SUGCT: variants seen among roughly 807,000 people sequenced by gnomAD.
SUGCT encodes the protein succinyl-CoA:glutarate-CoA transferase, also known as succinyl-CoA:glutarate CoA-transferase.
A neutral mutation model predicts 55.0 loss-of-function variants in SUGCT; 41 were observed. The ratio of observed to expected loss-of-function variants is 0.74; its 90% CI spans 0.58 to 0.97. SUGCT has a LOEUF of 0.97. SUGCT is among the 50% of genes least tolerant of loss of function. SUGCT has a pLI of 0.00. For missense variants in SUGCT, 568 were observed against 547.8 expected (o/e 1.04, Z -0.37); for synonymous variants, 187 against 200.4 (o/e 0.93, Z 0.56).
chr7:40,875,416 C>T, the SUGCT span, among the ~76,000 whole-genome samples: 3 of 152,118 alleles, frequency 2.0e-5, no homozygotes, highest in African/African-American at 4.8e-5. Context: ...GAAACAGCAC[C>T]CAGTTGTTCA....
chr7:40,927,360 T>C, the SUGCT span, among the ~76,000 whole-genome samples: 1 of 152,158 alleles, frequency 6.6e-6, no homozygotes, highest in Middle Eastern at 3.2e-3. Flanking sequence ...TACATGAATA[T>C]AGGTATCACT....
At chr7:40,801,329 A>G (rs1255541744) in intron 13 of SUGCT, among the ~76,000 whole-genome samples, 1 of 152,202 alleles carries the variant, frequency 6.6e-6, no homozygotes, top group African/African-American at 2.4e-5. Flanking sequence ...AGCAATCCCA[A>G]ACAATTCAGA....
chr7:40,252,345 C>T (rs969862442), intron 7 of SUGCT, among the ~76,000 whole-genome samples: 3 of 152,130 alleles, frequency 2.0e-5, no homozygotes, highest in South Asian at 4.1e-4. Flanking sequence ...TCTCTAACTC[C>T]TGGGCTCAAG....
intron 12 of SUGCT, among the ~76,000 whole-genome samples, chr7:40,557,339 T>A (rs1005302633): frequency 6.6e-6 from 1 of 152,120 alleles, no homozygotes; most frequent in African/African-American, 2.4e-5. Flanking sequence ...TATAAAAGTC[T>A]CAGAAGAAAA....
intron 12 of SUGCT, among the ~76,000 whole-genome samples, chr7:40,585,142 A>C (rs559279899): frequency 1.2e-4 from 19 of 152,286 alleles, no homozygotes; most frequent in African/African-American, 4.1e-4. Context: ...AAAATGGGGA[A>C]TTCTTAATGA....
At chr7:40,184,688 C>G (rs1364424863) in intron 3 of SUGCT, among the ~76,000 whole-genome samples, 1 of 152,050 alleles carries the variant, frequency 6.6e-6, no homozygotes, top group African/African-American at 2.4e-5. Context: ...ATTTATGTTT[C>G]AAGATCTGAT....
At chr7:40,806,564 C>T (rs551812215) in intron 13 of SUGCT, among the ~76,000 whole-genome samples, 1 of 151,940 alleles carries the variant, frequency 6.6e-6, no homozygotes, top group Non-Finnish European at 1.5e-5. Context: ...TATACCCATC[C>T]TTGGTTTTCC....
chr7:40,155,705 A>C (rs757189746), intron 1 of SUGCT, among the ~76,000 whole-genome samples: 4 of 152,198 alleles, frequency 2.6e-5, no homozygotes, highest in Non-Finnish European at 5.9e-5. Flanking sequence ...ATTATTGTTA[A>C]TAATTGGTTA....
At chr7:40,418,737 C>T (rs1384518573) in intron 9 of SUGCT, among the ~76,000 whole-genome samples, 1 of 152,122 alleles carries the variant, frequency 6.6e-6, no homozygotes, top group Non-Finnish European at 1.5e-5. Flanking sequence ...CAGCTTCTCC[C>T]CTGTAATCCA....
At position 40,189,545 on chromosome 7, in the gene SUGCT, G is replaced by A. The variant is rs1785768182; in HGVS notation, c.314G>A (p.Ser105Asn). ...ATATATATATTTTTTAATTTTTAGA[G>A]TATTGCTGTTAATATCAAGGATCCA... is the stretch of plus-strand genomic sequence containing the variant. ...YYLSVNRNKK[S>N]IAVNIKDPKG... The change falls in exon 5 of 14, where the codon AGT becomes AAT. Residue 105 changes from serine (S) to asparagine (N), a missense_variant and splice_region_variant. Physicochemically the swap from Ser to Asn is conservative, Grantham distance 46 (BLOSUM62 1). Coordinates refer to ENST00000335693, the MANE Select transcript of SUGCT (RefSeq NM_001193313.2). 3 of 1,246,396 alleles carry A rather than the reference G, an allele frequency of 2.4e-6. No homozygotes were observed. The highest frequency in any genetic ancestry group is 4.5e-5 in the South Asian group (2 of 44,854). The allele number at this position is 1,246,396 out of a possible 1,614,324, so 77.2% of individuals were successfully genotyped here. A position where few individuals can be genotyped will look rare whatever the true frequency, so the allele number is the denominator to read the frequency against.
intron 9 of SUGCT, among the ~76,000 whole-genome samples, chr7:40,435,509 A>T (rs540430126): frequency 6.6e-6 from 1 of 152,282 alleles, no homozygotes; most frequent in South Asian, 2.1e-4. Flanking sequence ...ACATTGATTT[A>T]AAAAGTGTAT....
At chr7:40,979,211 C>T in the SUGCT span, among the ~76,000 whole-genome samples, 3 of 152,164 alleles carry the variant, frequency 2.0e-5, no homozygotes, top group Non-Finnish European at 4.4e-5. Context: ...AAGACATCCA[C>T]AAGCAAACAT....
intron 12 of SUGCT, among the ~76,000 whole-genome samples, chr7:40,705,953 G>A (rs1266381186): frequency 6.6e-6 from 1 of 152,034 alleles, no homozygotes; most frequent in East Asian, 1.9e-4. Flanking sequence ...TTTGGCCTTA[G>A]TGTCCATCAT....
At chr7:40,366,810 G>T (rs1784000016) in intron 9 of SUGCT, among the ~76,000 whole-genome samples, 1 of 152,116 alleles carries the variant, frequency 6.6e-6, no homozygotes, top group South Asian at 2.1e-4. Flanking sequence ...CTTTTACACT[G>T]TTGGTGGGAC....
intron 12 of SUGCT, among the ~76,000 whole-genome samples, chr7:40,556,338 T>C (rs1795558620): frequency 6.6e-6 from 1 of 151,932 alleles, no homozygotes; most frequent in African/African-American, 2.4e-5. Context: ...ATGAAGGCCC[T>C]GCTTCTTGCC....
At chr7:40,493,960 C>T (rs1234707265) in intron 11 of SUGCT, among the ~76,000 whole-genome samples, 1 of 152,180 alleles carries the variant, frequency 6.6e-6, no homozygotes, top group Non-Finnish European at 1.5e-5. Flanking sequence ...CCCTTCCACA[C>T]CCACACCCAC....
At chr7:40,722,376 A>G (rs1003834018) in intron 12 of SUGCT, among the ~76,000 whole-genome samples, 1 of 152,212 alleles carries the variant, frequency 6.6e-6, no homozygotes, top group African/African-American at 2.4e-5. Flanking sequence ...AAATACACAT[A>G]TAATCAAGTG....
At chr7:40,146,681 A>AG (rs780221663) in intron 1 of SUGCT, among the ~76,000 whole-genome samples, 3 of 152,242 alleles carry the variant, frequency 2.0e-5, no homozygotes, top group Non-Finnish European at 4.4e-5. Flanking sequence ...TGGGTGGGCC[A>AG]GGTGTTCCTT....
intron 12 of SUGCT, among the ~76,000 whole-genome samples, chr7:40,613,163 A>G (rs1047935307): frequency 2.0e-5 from 3 of 152,008 alleles, no homozygotes; most frequent in Non-Finnish European, 4.4e-5. Flanking sequence ...AAATTCAACG[A>G]TACTCTTATA....
Sources: allele counts gnomAD v4.1 joint callset (sites outside exome capture counted in the v4.1 genomes callset), GRCh38; gene constraint gnomAD v4.1.1; transcripts MANE v1.5; gene names NCBI Gene and HGNC (gene_info 2026-07-23, HGNC 2026-07-21).